Variants in DAAM1 observed in about 807,000 individuals in gnomAD.
DAAM1 encodes disheveled-associated activator of morphogenesis 1.
DAAM1 carries 52 observed loss-of-function variants against 130.0 expected under a neutral mutation model. The ratio of observed to expected loss-of-function variants is 0.40; its 90% confidence interval spans 0.32 to 0.50. The LOEUF (loss-of-function observed/expected upper bound fraction) is 0.50. DAAM1 is among the 20% of genes least tolerant of loss of function. The pLI is 0.61. For synonymous variants in DAAM1, 452 were observed against 444.5 expected (o/e 1.02, Z -0.21); for missense variants, 1,134 against 1,303.8 (o/e 0.87, Z 2.01).
chr14:59,261,557 A>G (rs140130088), intron 1 of DAAM1, among the ~76,000 whole-genome samples: 1 of 152,292 alleles, frequency 6.6e-6, no homozygotes, highest in East Asian at 1.9e-4. Context: ...TTACAGCATC[A>G]TTGTGGACTC....
At chr14:59,218,860 C>A (rs771661097) in intron 1 of DAAM1, among the ~76,000 whole-genome samples, 5 of 152,082 alleles carry the variant, frequency 3.3e-5, no homozygotes, top group Non-Finnish European at 7.4e-5. Flanking sequence ...AAGAATGGAG[C>A]ACAAATATTC....
At chr14:59,195,175 G>T (rs1457412949) in intron 1 of DAAM1, among the ~76,000 whole-genome samples, 26 of 108,524 alleles carry the variant, frequency 2.4e-4, no homozygotes, top group East Asian at 5.3e-4. Context: ...AGACAATCTT[G>T]CTCTGTCGCC....
intron 2 of DAAM1, among the ~76,000 whole-genome samples, chr14:59,289,784 A>ATAGATATATATATATATATATAGATAT: frequency 7.8e-6 from 1 of 128,714 alleles, no homozygotes. Context: ...ATATATATAT[A>ATAGATATATATATATATATATAGATAT]ATGGAATGCT....
rs530536520 is a variant in DAAM1, at chr14:59,318,344, G to A, written c.346-2146G>A. Among the ~76,000 whole-genome samples, 10 of 151,614 alleles carry A rather than the reference G, an allele frequency of 6.6e-5. No individual in the cohort carries two copies. The South Asian group carries it at 8.4e-4, about 13-fold the overall frequency. On this transcript the variant is annotated intron_variant, in intron 4 of 24. Coordinates refer to ENST00000360909, the MANE Select transcript of DAAM1 (RefSeq NM_001270520.2). ...ACATTTGTGCCTCTCTGTCAGACCC[G>A]CGTGTTCCAATGTACACCTTAGCAG...
chr14:59,263,929 G>T, intron 2 of DAAM1: 1 of 494,092 alleles, frequency 2.0e-6, no homozygotes, highest in Middle Eastern at 5.7e-4. Context: ...ATATGTGGCA[G>T]TACTGCATCT....
At chr14:59,201,420 C>T (rs568860214) in intron 1 of DAAM1, among the ~76,000 whole-genome samples, 13 of 151,986 alleles carry the variant, frequency 8.6e-5, no homozygotes, top group African/African-American at 2.9e-4. Context: ...GTCAGGAGCT[C>T]GAGACCAGCC....
Position 59,368,715 on chromosome 14 carries a change from A to G in DAAM1, c.3063A>G (p.Gly1021=), listed in dbSNP as rs774503948. ...CTAAAGAGAATAGTGAAGAAAGCGG[A>G]GAGTTTGATGACCTTGTTTCAGCTT... The part of the protein sequence containing the change: ...RKAKENSEES[G]EFDDLVSALR... The change falls in exon 25 of 25, where the codon GGA becomes GGG. Residue 1021 remains glycine, a synonymous_variant. Coordinates refer to ENST00000360909, the MANE Select transcript of DAAM1 (RefSeq NM_001270520.2). 1 of 1,613,998 alleles carries G rather than the reference A, an allele frequency of 6.2e-7. No individual in the cohort carries two copies. The highest frequency in any genetic ancestry group is 8.5e-7 in the Non-Finnish European group (1 of 1,179,910).
At chr14:59,363,214 A>ATAGACTTGGCTGAGAGGGAAAG (rs1886779521) in intron 22 of DAAM1, 1 of 173,502 alleles carries the variant, frequency 5.8e-6, no homozygotes, top group Non-Finnish European at 1.2e-5. Flanking sequence ...TAAGAAGTAA[A>ATAGACTTGGCTGAGAGGGAAAG]TAGACTTGGC....
At chr14:59,256,583 G>A (rs192838988) in intron 1 of DAAM1, among the ~76,000 whole-genome samples, 1 of 152,314 alleles carries the variant, frequency 6.6e-6, no homozygotes, top group African/African-American at 2.4e-5. Context: ...TTCTTCCTCT[G>A]CAACAATGCC....
chr14:59,307,428 A>G (rs1884416141), intron 3 of DAAM1, among the ~76,000 whole-genome samples: 1 of 152,224 alleles, frequency 6.6e-6, no homozygotes, highest in South Asian at 2.1e-4. Context: ...TTAGTAAAAA[A>G]TATTTGACAT....
At chr14:59,344,551 C>T (rs576121440) in intron 16 of DAAM1, among the ~76,000 whole-genome samples, 3 of 152,274 alleles carry the variant, frequency 2.0e-5, no homozygotes, top group East Asian at 1.9e-4. Context: ...TCCCTGAGGG[C>T]GGGGTACCTT....
chr14:59,285,689 A>G (rs1401460146), intron 2 of DAAM1, among the ~76,000 whole-genome samples: 1 of 152,224 alleles, frequency 6.6e-6, no homozygotes, highest in Non-Finnish European at 1.5e-5. Context: ...GGCATTGCAT[A>G]ATGATAAAGG....
intron 1 of DAAM1, among the ~76,000 whole-genome samples, chr14:59,216,887 T>G (rs1346843797): frequency 6.6e-6 from 1 of 150,552 alleles, no homozygotes; most frequent in Non-Finnish European, 1.5e-5. Context: ...GAATTGAATT[T>G]TAAGTATATA....
chr14:59,254,046 A>T lies in DAAM1; in HGVS notation c.-37-9395A>T, dbSNP rs1483097784. Among the ~76,000 whole-genome samples, 4 of 152,178 alleles carry T rather than the reference A, an allele frequency of 2.6e-5. No individual in the cohort carries two copies. In the East Asian group the frequency reaches 7.7e-4, roughly 29 times the overall value. On this transcript the variant is annotated intron_variant, in intron 1 of 24. Transcript: ENST00000360909. The stretch of plus-strand genomic sequence containing the variant: ...AATATTATTTGCATTTTCTATGTGG[A>T]TGGCACCAAAGGGTGGACTGCTTGT...
intron 1 of DAAM1, among the ~76,000 whole-genome samples, chr14:59,240,515 C>T (rs748831557): frequency 5.9e-5 from 9 of 152,096 alleles, no homozygotes; most frequent in African/African-American, 9.7e-5. Flanking sequence ...GACTGAGGCC[C>T]AGTATATCTA....
At chr14:59,337,313 T>C (rs1022403725) in intron 15 of DAAM1, among the ~76,000 whole-genome samples, 14 of 151,676 alleles carry the variant, frequency 9.2e-5, no homozygotes, top group South Asian at 4.2e-4. Context: ...ATCAGAGGAG[T>C]ATCCATTGTT....
intron 16 of DAAM1, 103 bp from the exon 17 acceptor site, chr14:59,347,434 TGA>T: frequency 9.2e-7 from 1 of 1,082,934 alleles, no homozygotes; most frequent in Non-Finnish European, 1.4e-6. Flanking sequence ...TGAGAGATTT[TGA>T]GAAAAAAGTA....
At chr14:59,269,328 T>C (rs73295982) in intron 2 of DAAM1, among the ~76,000 whole-genome samples, 182 of 152,342 alleles carry the variant, frequency 1.2e-3, no homozygotes, top group African/African-American at 4.2e-3. Context: ...TTACTCCTCT[T>C]GGGAACATGC....
At chr14:59,235,581 A>G (rs935921887) in intron 1 of DAAM1, among the ~76,000 whole-genome samples, 5 of 152,056 alleles carry the variant, frequency 3.3e-5, no homozygotes, top group Admixed American at 6.5e-5. Flanking sequence ...AATTTTTTCA[A>G]AAAACCAGCT....
Sources: allele counts gnomAD v4.1 joint callset (sites outside exome capture counted in the v4.1 genomes callset), GRCh38; gene constraint gnomAD v4.1.1; transcripts MANE v1.5; gene names NCBI Gene and HGNC (gene_info 2026-07-23, HGNC 2026-07-21).